Variants in GPC6 observed in about 807,000 individuals in gnomAD.
The protein encoded by GPC6 is glypican 6.
Under a neutral mutation model 55.2 loss-of-function variants are expected in GPC6, and 14 were observed. The observed-to-expected ratio is 0.25, with a 90% confidence interval of 0.17 to 0.40. The LOEUF is 0.40. Among genes scored for constraint, GPC6 ranks in the 10% least tolerant of loss-of-function variants. GPC6 has a pLI of 1.00. For missense variants in GPC6, 641 were observed against 708.5 expected (o/e 0.90, Z 1.08); for synonymous variants, 278 against 259.6 (o/e 1.07, Z -0.68).
intron 6 of GPC6, among the ~76,000 whole-genome samples, chr13:94,323,668 T>G (rs1876962742): frequency 6.6e-6 from 1 of 152,176 alleles, no homozygotes; most frequent in Admixed American, 6.6e-5. Context: ...ATAATTACAC[T>G]GAAAACCCAG....
chr13:94,187,723 TG>T, intron 4 of GPC6: 1 of 151,688 alleles, frequency 6.6e-6, no homozygotes, highest in Non-Finnish European at 1.5e-5. Flanking sequence ...TAGAGTCCAG[TG>T]GAAAGGAAAA....
intron 3 of GPC6, among the ~76,000 whole-genome samples, chr13:93,888,160 C>T (rs1265215032): frequency 6.6e-6 from 1 of 152,136 alleles, no homozygotes; most frequent in Non-Finnish European, 1.5e-5. Context: ...GGGAAGCCAA[C>T]AAATATAGCT....
At chr13:93,365,794 T>A (rs9524020) in intron 1 of GPC6, among the ~76,000 whole-genome samples, 50,040 of 151,880 alleles carry the variant, frequency 0.33, 9,545 homozygotes, top group East Asian at 0.79. Flanking sequence ...TACCAAACTT[T>A]CTTCCTGCAC....
intron 1 of GPC6, among the ~76,000 whole-genome samples, chr13:93,382,129 C>T (rs1259066452): frequency 6.6e-6 from 1 of 152,092 alleles, no homozygotes; most frequent in Non-Finnish European, 1.5e-5. Context: ...GGTAGTTCTT[C>T]CAAGTGATAT....
At chr13:93,341,768 G>GT (rs1423588286) in intron 1 of GPC6, among the ~76,000 whole-genome samples, 9 of 148,244 alleles carry the variant, frequency 6.1e-5, no homozygotes, top group Non-Finnish European at 1.2e-4. Context: ...TTATTTTTGT[G>GT]TTTTTGCATT....
chr13:93,581,628 G>A (rs1876939701), intron 2 of GPC6, among the ~76,000 whole-genome samples: 1 of 152,122 alleles, frequency 6.6e-6, no homozygotes, highest in South Asian at 2.1e-4. Context: ...AATCGCTTGA[G>A]CTAGGGAGGA....
intron 3 of GPC6, among the ~76,000 whole-genome samples, chr13:93,856,549 AG>A (rs1288990421): frequency 6.6e-6 from 1 of 151,626 alleles, no homozygotes; most frequent in African/African-American, 2.4e-5. Context: ...TTTACTCCAA[AG>A]AGTAAGTAAG....
At chr13:93,368,035 T>A (rs1301264707) in intron 1 of GPC6, among the ~76,000 whole-genome samples, 2 of 152,130 alleles carry the variant, frequency 1.3e-5, no homozygotes, top group Non-Finnish European at 2.9e-5. Context: ...TGTTAAAATC[T>A]CAAACTGTAA....
At chr13:94,313,977 C>T (rs1184195565) in intron 6 of GPC6, among the ~76,000 whole-genome samples, 4 of 152,180 alleles carry the variant, frequency 2.6e-5, no homozygotes, top group Non-Finnish European at 5.9e-5. Context: ...TTGATGCATT[C>T]GGTAGATATC....
intron 2 of GPC6, among the ~76,000 whole-genome samples, chr13:93,634,266 A>T (rs888988412): frequency 6.6e-6 from 1 of 152,198 alleles, no homozygotes; most frequent in Non-Finnish European, 1.5e-5. Flanking sequence ...ATGTCAAAGT[A>T]ACCTTGTTCC....
chr13:94,171,666 G>A (rs1268605360), intron 4 of GPC6, among the ~76,000 whole-genome samples: 16 of 152,204 alleles, frequency 1.1e-4, no homozygotes, highest in Non-Finnish European at 2.1e-4. Context: ...CAAGACATTT[G>A]TCCTTTCCCT....
At chr13:93,757,860 A>G (rs1318338461) in intron 2 of GPC6, among the ~76,000 whole-genome samples, 1 of 152,138 alleles carries the variant, frequency 6.6e-6, no homozygotes. Context: ...CCAAATGTGC[A>G]CCTTATATAG....
intron 4 of GPC6, among the ~76,000 whole-genome samples, chr13:94,275,006 G>C (rs1566623175): frequency 6.6e-6 from 1 of 152,186 alleles, no homozygotes. Context: ...GGAGAGTAGG[G>C]AGAGGGAGTT....
chr13:94,322,794 G>A (rs962850460), intron 6 of GPC6, among the ~76,000 whole-genome samples: 3 of 152,070 alleles, frequency 2.0e-5, no homozygotes, highest in Admixed American at 6.5e-5. Flanking sequence ...GTCACACGGT[G>A]CGGTTCTGCT....
chr13:93,412,933 T>G (rs2762088), intron 1 of GPC6, among the ~76,000 whole-genome samples: 111,075 of 151,984 alleles, frequency 0.73, 40,842 homozygotes, highest in East Asian at 0.84. Context: ...GAAAATAAAT[T>G]ACAGGTCCTT....
intron 2 of GPC6, among the ~76,000 whole-genome samples, chr13:93,795,787 C>T (rs938967331): frequency 6.6e-6 from 1 of 152,100 alleles, no homozygotes; most frequent in Non-Finnish European, 1.5e-5. Context: ...AAATCAATCA[C>T]CATCTCTGAA....
intron 3 of GPC6, among the ~76,000 whole-genome samples, chr13:93,922,536 T>A (rs1359111499): frequency 6.6e-6 from 1 of 152,186 alleles, no homozygotes; most frequent in Non-Finnish European, 1.5e-5. Context: ...CATTGTAATG[T>A]GTTCAGCTAT....
chr13:94,288,221 C>T (rs1892583505), intron 5 of GPC6, among the ~76,000 whole-genome samples: 1 of 152,004 alleles, frequency 6.6e-6, no homozygotes, highest in South Asian at 2.1e-4. Context: ...AGAAGCTTCT[C>T]CTCCCCCAGG....
At position 93,843,815 on chromosome 13, in the gene GPC6, T is replaced by C. The variant is rs2139001404; in HGVS notation, c.711+13270T>C. 2.0e-5 allele frequency among the ~76,000 whole-genome samples: 3 copies of C among 152,310 alleles called. No individual in the cohort carries two copies. In the East Asian group the frequency reaches 5.8e-4, roughly 29 times the overall value. ...AACACTCCTGGAGTTGGCCTGATCCTGAATTCAGTGCTAGTTGCCATTTAG... is the reference window on the plus strand; with the variant it reads ...AACACTCCTGGAGTTGGCCTGATCCCGAATTCAGTGCTAGTTGCCATTTAG... On this transcript the variant is annotated intron_variant, in intron 3 of 8. Transcript: ENST00000377047.
Sources: gnomAD v4.1 joint callset for allele counts (sites outside exome capture counted in the v4.1 genomes callset) on GRCh38, gnomAD v4.1.1 for gene constraint, MANE v1.5 for transcripts, NCBI Gene and HGNC (gene_info 2026-07-23, HGNC 2026-07-21) for gene names.